The following IGSF11 variants were observed in gnomAD, a reference collection of about 807,000 sequenced individuals.
IGSF11 encodes the protein immunoglobulin superfamily member 11, also known as CXADR like 1.
A neutral mutation model predicts 41.0 loss-of-function variants in IGSF11; 22 were observed. The observed-to-expected ratio is 0.54, with a 90% CI of 0.38 to 0.77. The LOEUF is 0.77. Among genes scored for constraint, IGSF11 ranks in the 30% least tolerant of loss-of-function variants. The pLI is 0.00. For missense variants in IGSF11, 444 were observed against 530.8 expected (o/e 0.84, Z 1.61); for synonymous variants, 219 against 201.3 (o/e 1.09, Z -0.74).
At chr3:119,037,410 G>T (rs1460042793), upstream of IGSF11, among the ~76,000 whole-genome samples, 1 of 152,102 alleles carries the variant, frequency 6.6e-6, no homozygotes, top group African/African-American at 2.4e-5. Flanking sequence ...CACTGTACTT[G>T]CCTCCTAAAG....
intron 1 of IGSF11, among the ~76,000 whole-genome samples, chr3:119,000,132 G>C (rs1936674029): frequency 7.0e-6 from 1 of 142,118 alleles, no homozygotes; most frequent in Non-Finnish European, 1.5e-5. Context: ...GAAATGCCTG[G>C]TTGTCCTCCT....
In IGSF11 at chr3:118,913,720, CAAAAA is replaced by C. The variant is rs1179489727; in HGVS notation, c.581-8007_581-8003del. Among the ~76,000 whole-genome samples, 9 of 151,188 alleles carry C rather than the reference CAAAAA, an allele frequency of 6.0e-5. No individual in the cohort carries two copies. In the East Asian group the frequency reaches 1.7e-3, roughly 29 times the overall value. ...GACTGTGATGAAAGAAGCAATGGAGCAAAAAAAATGGCAAACTTGTGGGTAAATCT... is the reference window on the plus strand; with the variant it reads ...GACTGTGATGAAAGAAGCAATGGAGCAAATGGCAAACTTGTGGGTAAATCT... On this transcript the variant is annotated intron_variant, in intron 4 of 6. Coordinates refer to ENST00000393775, the MANE Select transcript of IGSF11 (RefSeq NM_001015887.3).
intron 1 of IGSF11, chr3:118,949,341 A>G (rs1944408609): frequency 2.0e-5 from 3 of 152,074 alleles, no homozygotes; most frequent in African/African-American, 7.2e-5. Context: ...AAAAAAAAAA[A>G]AAAGTTATAC....
chr3:118,995,365 C>T (rs1007777483), intron 1 of IGSF11, among the ~76,000 whole-genome samples: 4 of 152,140 alleles, frequency 2.6e-5, no homozygotes, highest in African/African-American at 9.7e-5. Flanking sequence ...CAATGATCAC[C>T]GTTTAGCCCC....
At chr3:119,036,824 G>A (rs981033356), upstream of IGSF11, among the ~76,000 whole-genome samples, 4 of 152,134 alleles carry the variant, frequency 2.6e-5, no homozygotes, top group Non-Finnish European at 5.9e-5. Flanking sequence ...GCCTTGCCAG[G>A]CAAGAGCTAC....
chr3:119,046,463 G>T (rs1207067192), intron 1 of IGSF11, among the ~76,000 whole-genome samples: 3 of 152,050 alleles, frequency 2.0e-5, no homozygotes, highest in Non-Finnish European at 1.5e-5. Flanking sequence ...AAAAAGAAAT[G>T]AGCAAAGCCT....
chr3:119,064,602 A>G (rs1374064572), intron 1 of IGSF11, among the ~76,000 whole-genome samples: 1 of 144,448 alleles, frequency 6.9e-6, no homozygotes, highest in Non-Finnish European at 1.5e-5. Context: ...CTGGGGTTGT[A>G]CTGAAACTAT....
chr3:119,021,675 A>T (rs1939303155), intron 1 of IGSF11, among the ~76,000 whole-genome samples: 1 of 152,180 alleles, frequency 6.6e-6, no homozygotes, highest in African/African-American at 2.4e-5. Context: ...TGCACACAAG[A>T]CAATGAATTC....
At chr3:118,959,534 A>C (rs953554308) in intron 1 of IGSF11, among the ~76,000 whole-genome samples, 6 of 152,238 alleles carry the variant, frequency 3.9e-5, no homozygotes, top group African/African-American at 1.2e-4. Context: ...ACCCAACCAA[A>C]CAAAGGACTA....
At chr3:119,085,522 A>C (rs2076657125) in intron 1 of IGSF11, among the ~76,000 whole-genome samples, 2 of 152,196 alleles carry the variant, frequency 1.3e-5, no homozygotes, top group Admixed American at 1.3e-4. Flanking sequence ...GGTCCCCAGC[A>C]ATGGTTCTTA....
chr3:118,955,436 T>G (rs9854365), intron 1 of IGSF11, among the ~76,000 whole-genome samples: 3,447 of 152,014 alleles, frequency 0.023, 126 homozygotes, highest in African/African-American at 0.079. Context: ...TCATCTATAA[T>G]TTTTATGGTT....
chr3:119,073,805 A>C (rs1269032149), intron 1 of IGSF11, among the ~76,000 whole-genome samples: 2 of 152,172 alleles, frequency 1.3e-5, no homozygotes, highest in Non-Finnish European at 2.9e-5. Context: ...CCACAAGCAG[A>C]GGGAGCTGGC....
At chr3:118,916,902 AC>A in intron 4 of IGSF11, among the ~76,000 whole-genome samples, 1 of 152,126 alleles carries the variant, frequency 6.6e-6, no homozygotes, top group African/African-American at 2.4e-5. Flanking sequence ...ATTATAACAA[AC>A]TGTCTCTCAG....
At chr3:119,114,595 T>C (rs2077230734) in intron 1 of IGSF11, among the ~76,000 whole-genome samples, 1 of 152,224 alleles carries the variant, frequency 6.6e-6, no homozygotes, top group African/African-American at 2.4e-5. Flanking sequence ...CTGGACTTCC[T>C]TGTCCTTTTC....
intron 1 of IGSF11, among the ~76,000 whole-genome samples, chr3:119,142,068 A>T (rs2077655319): frequency 6.6e-6 from 1 of 151,958 alleles, no homozygotes; most frequent in Non-Finnish European, 1.5e-5. Context: ...GAGGTCAGGA[A>T]ATCAAAACCA....
intron 1 of IGSF11, chr3:118,945,740 T>C (rs1361419469): frequency 6.6e-6 from 1 of 151,902 alleles, no homozygotes; most frequent in Admixed American, 6.6e-5. Flanking sequence ...TATCAGCAAA[T>C]AAAAAATAAA....
upstream of IGSF11, among the ~76,000 whole-genome samples, chr3:119,036,129 T>C (rs796251274): frequency 1.5e-4 from 23 of 152,332 alleles, no homozygotes; most frequent in African/African-American, 5.5e-4. Flanking sequence ...GAAATGTTAA[T>C]AACTTTTAAC....
At chr3:118,943,266 G>A (rs1053646709) in intron 1 of IGSF11, 1 of 152,170 alleles carries the variant, frequency 6.6e-6, no homozygotes, top group Non-Finnish European at 1.5e-5. Context: ...AGGGGTCTCA[G>A]ATTTGAATTC....
chr3:119,039,652 C>T (rs1000584699), upstream of IGSF11, among the ~76,000 whole-genome samples: 2 of 152,148 alleles, frequency 1.3e-5, no homozygotes, highest in Non-Finnish European at 2.9e-5. Flanking sequence ...CTGACCACAT[C>T]TTCTGTTTTT....
Sources: allele counts gnomAD v4.1 joint callset (sites outside exome capture counted in the v4.1 genomes callset), GRCh38; gene constraint gnomAD v4.1.1; transcripts MANE v1.5; gene names NCBI Gene and HGNC (gene_info 2026-07-23, HGNC 2026-07-21).